CSMD1: variants seen among roughly 807,000 people sequenced by gnomAD.
The protein encoded by CSMD1 is CUB and Sushi multiple domains 1.
A neutral mutation model predicts 417.5 loss-of-function variants in CSMD1; 213 were observed. The ratio of observed to expected loss-of-function variants is 0.51; its 90% CI spans 0.46 to 0.57. The LOEUF is 0.57. Ranked by LOEUF, CSMD1 falls within the 20% of genes least tolerant of loss-of-function variation. CSMD1 has a pLI of 0.00. For synonymous variants in CSMD1, 2,862 were observed against 1,736.8 expected, an observed-to-expected ratio of 1.65 and a Z score of -16.11; for missense variants, 6,923 against 4,529.7, an observed-to-expected ratio of 1.53 and a Z score of -15.17.
At chr8:4,003,008 A>G (rs1244963952) in intron 4 of CSMD1, among the ~76,000 whole-genome samples, 1 of 106,494 alleles carries the variant, frequency 9.4e-6, no homozygotes, top group Admixed American at 1.0e-4. Context: ...TTTCAAAATA[A>G]ATGTATAAAA....
intron 5 of CSMD1, among the ~76,000 whole-genome samples, chr8:3,818,377 T>G (rs972344852): frequency 2.0e-5 from 3 of 152,196 alleles, no homozygotes; most frequent in African/African-American, 7.2e-5. Flanking sequence ...TCCAAATGTT[T>G]ACTCTTGGAG....
At chr8:3,616,259 C>T (rs768369551) in intron 8 of CSMD1, among the ~76,000 whole-genome samples, 1 of 152,162 alleles carries the variant, frequency 6.6e-6, no homozygotes, top group Non-Finnish European at 1.5e-5. Flanking sequence ...GTCAGTTACC[C>T]TCATGCTGTT....
chr8:3,481,155 A>G (rs1817722099), intron 11 of CSMD1, among the ~76,000 whole-genome samples: 3 of 118,342 alleles, frequency 2.5e-5, no homozygotes, highest in African/African-American at 1.0e-4. Flanking sequence ...ACTCCATCTC[A>G]AAAAAAAAAA....
At chr8:4,300,797 T>C (rs915888433) in intron 3 of CSMD1, among the ~76,000 whole-genome samples, 2 of 152,174 alleles carry the variant, frequency 1.3e-5, no homozygotes, top group African/African-American at 4.8e-5. Context: ...TGGTTTTTTG[T>C]CCTGGCAATA....
At chr8:4,838,909 G>A (rs118043511) in intron 1 of CSMD1, among the ~76,000 whole-genome samples, 6,737 of 152,208 alleles carry the variant, frequency 0.044, 215 homozygotes, top group Middle Eastern at 0.071. Flanking sequence ...AGCTCTAAAG[G>A]TTACATAAAC....
chr8:4,453,589 G>C (rs938303822), intron 2 of CSMD1, among the ~76,000 whole-genome samples: 3 of 152,050 alleles, frequency 2.0e-5, no homozygotes, highest in African/African-American at 4.8e-5. Flanking sequence ...TTGAACAATT[G>C]AACTGCTGTG....
At chr8:4,558,097 G>C (rs1798175252) in intron 2 of CSMD1, among the ~76,000 whole-genome samples, 1 of 152,070 alleles carries the variant, frequency 6.6e-6, no homozygotes, top group Non-Finnish European at 1.5e-5. Context: ...AACATTTACT[G>C]AAATGTAAAT....
chr8:4,015,068 C>T (rs895770662), intron 4 of CSMD1, among the ~76,000 whole-genome samples: 24 of 152,096 alleles, frequency 1.6e-4, no homozygotes, highest in African/African-American at 5.6e-4. Context: ...ATACGATTTA[C>T]ACTGGAATTG....
chr8:3,516,922 C>T (rs1027220460), intron 10 of CSMD1, among the ~76,000 whole-genome samples: 9 of 152,292 alleles, frequency 5.9e-5, no homozygotes, highest in Admixed American at 5.9e-4. Context: ...TAGAACCAAC[C>T]CAAATGCCCG....
At chr8:4,080,914 G>A (rs1043187720) in intron 3 of CSMD1, among the ~76,000 whole-genome samples, 1 of 152,070 alleles carries the variant, frequency 6.6e-6, no homozygotes, top group Non-Finnish European at 1.5e-5. Context: ...TAAGAGGCAG[G>A]GCCTTTGTGA....
intron 7 of CSMD1, among the ~76,000 whole-genome samples, chr8:3,645,380 T>C (rs889951279): frequency 1.3e-5 from 2 of 152,168 alleles, no homozygotes; most frequent in Admixed American, 1.3e-4. Flanking sequence ...ATTAGCCAGA[T>C]TGGGGTTGAA....
intron 37 of CSMD1, among the ~76,000 whole-genome samples, chr8:3,178,464 C>T (rs769034723): frequency 6.6e-6 from 1 of 152,012 alleles, no homozygotes; most frequent in African/African-American, 2.4e-5. Context: ...GCCATCTATA[C>T]GTCACCTTCC....
At chr8:2,986,746 C>T (rs780567768) in intron 54 of CSMD1, among the ~76,000 whole-genome samples, 1 of 152,082 alleles carries the variant, frequency 6.6e-6, no homozygotes, top group Non-Finnish European at 1.5e-5. Context: ...CCTCGTGATT[C>T]GCCTGCCTCA....
intron 42 of CSMD1, among the ~76,000 whole-genome samples, chr8:3,116,004 G>A (rs1816843085): frequency 6.6e-6 from 1 of 152,184 alleles, no homozygotes; most frequent in South Asian, 2.1e-4. Context: ...TGGGTTGTCA[G>A]CAGTGTTTAC....
chr8:4,813,762 T>G (rs556678662), intron 1 of CSMD1, among the ~76,000 whole-genome samples: 3 of 152,196 alleles, frequency 2.0e-5, no homozygotes, highest in Admixed American at 2.0e-4. Flanking sequence ...AAAATGCATT[T>G]TGGAGTAATT....
chr8:4,475,203 C>G (rs1278669073), intron 2 of CSMD1, among the ~76,000 whole-genome samples: 1 of 152,180 alleles, frequency 6.6e-6, no homozygotes, highest in African/African-American at 2.4e-5. Flanking sequence ...GAATATATAT[C>G]TTAAAAGTTG....
At chr8:3,544,586 G>C (rs1798581507) in intron 10 of CSMD1, among the ~76,000 whole-genome samples, 1 of 152,072 alleles carries the variant, frequency 6.6e-6, no homozygotes, top group African/African-American at 2.4e-5. Flanking sequence ...TTAGGGTCTG[G>C]ATTGGGATCC....
At chr8:3,203,625 A>G (rs142293245) in intron 31 of CSMD1, among the ~76,000 whole-genome samples, 154 of 152,314 alleles carry the variant, frequency 1.0e-3, no homozygotes, top group Non-Finnish European at 1.9e-3. Context: ...TAAAAAACAA[A>G]CAGGGGGATT....
chr8:3,943,144 T>C (rs1523249), intron 5 of CSMD1, among the ~76,000 whole-genome samples: 1 of 152,170 alleles, frequency 6.6e-6, no homozygotes, highest in Non-Finnish European at 1.5e-5. Flanking sequence ...GAATGCATTG[T>C]TATCTTATGA....
Sources: gnomAD v4.1 joint callset for allele counts (sites outside exome capture counted in the v4.1 genomes callset) on GRCh38, gnomAD v4.1.1 for gene constraint, MANE v1.5 for transcripts, NCBI Gene and HGNC (gene_info 2026-07-23, HGNC 2026-07-21) for gene names.